Variants in FER observed in about 807,000 individuals in gnomAD.
FER encodes the protein FER tyrosine kinase.
A neutral mutation model predicts 111.0 loss-of-function variants in FER; 63 were observed. That is an observed-to-expected ratio of 0.57 (90% CI 0.46 to 0.70). The LOEUF (loss-of-function observed/expected upper bound fraction) is 0.70. Among genes scored for constraint, FER ranks in the 30% least tolerant of loss-of-function variants. FER has a pLI of 0.00. For missense variants in FER, 914 were observed against 954.0 expected (o/e 0.96, Z 0.55); for synonymous variants, 327 against 313.9 (o/e 1.04, Z -0.44).
At chr5:108,796,452 T>C (rs1756028172) in intron 2 of FER, among the ~76,000 whole-genome samples, 1 of 152,170 alleles carries the variant, frequency 6.6e-6, no homozygotes, top group African/African-American at 2.4e-5. Flanking sequence ...TTGTGTCCTT[T>C]CCTCAAGGGT....
intron 16 of FER, among the ~76,000 whole-genome samples, chr5:109,073,079 T>A (rs558575772): frequency 6.6e-6 from 1 of 152,148 alleles, no homozygotes; most frequent in East Asian, 1.9e-4. Flanking sequence ...AGTAATTACA[T>A]CTGCAGAAAT....
intron 2 of FER, among the ~76,000 whole-genome samples, chr5:108,772,364 G>A (rs988947293): frequency 1.0e-5 from 1 of 96,830 alleles, no homozygotes; most frequent in Non-Finnish European, 2.3e-5. Context: ...TGTTGTTGTT[G>A]TTATAGGATT....
At chr5:108,764,537 A>G (rs1752101892) in intron 1 of FER, among the ~76,000 whole-genome samples, 1 of 152,054 alleles carries the variant, frequency 6.6e-6, no homozygotes, top group African/African-American at 2.4e-5. Context: ...AGCTGGGATT[A>G]CAGGCATGCG....
intron 3 of FER, among the ~76,000 whole-genome samples, chr5:108,806,126 C>G (rs1414107889): frequency 6.6e-6 from 1 of 152,148 alleles, no homozygotes; most frequent in Non-Finnish European, 1.5e-5. Context: ...CCGCTCCAGC[C>G]GTGACTAAAA....
chr5:108,864,433 C>T (rs958861704), intron 5 of FER, among the ~76,000 whole-genome samples: 1 of 152,142 alleles, frequency 6.6e-6, no homozygotes, highest in Non-Finnish European at 1.5e-5. Context: ...CACCTTTTCT[C>T]TGCTCTTTGC....
In FER at chr5:109,177,126, G is replaced by A. The variant is rs115731701; in HGVS notation, c.2049-3621G>A. 3.2e-3 allele frequency among the ~76,000 whole-genome samples: 483 copies of A among 152,242 alleles called. 1 individual carries two copies. Among genetic ancestry groups the A allele is most frequent in the Non-Finnish European group, 4.6e-3 (314 of 68,008 alleles). On this transcript the variant is annotated intron_variant, in intron 17 of 19. Coordinates refer to ENST00000281092, the MANE Select transcript of FER (RefSeq NM_005246.4). ...GATATAAAAATTATTAGAAAATAAC[G>A]TAATTCATGTATTTTTAAAAGTTGG...
In FER at chr5:109,193,756, T is replaced by C. The variant is rs891509415; in HGVS notation, c.*6181T>C. On this transcript the variant is annotated 3_prime_UTR_variant, in exon 20 of 20. Coordinates refer to ENST00000281092, the MANE Select transcript of FER (RefSeq NM_005246.4). ...TTTGCTTTACCAAAATAGTAAAGCCTTTATCATCAGCTTATATTGAATAAT... is the reference window on the plus strand; with the variant it reads ...TTTGCTTTACCAAAATAGTAAAGCCCTTATCATCAGCTTATATTGAATAAT... The C allele has an allele frequency of 3.3e-5, 5 of 152,198 alleles. No homozygotes were observed. Among genetic ancestry groups the C allele is most frequent in the Non-Finnish European group, 7.3e-5 (5 of 68,030 alleles). The allele number at this position is 152,198 out of a possible 1,614,324, so 9.4% of individuals were successfully genotyped here.
intron 16 of FER, among the ~76,000 whole-genome samples, chr5:109,097,268 A>C (rs1747654745): frequency 6.6e-6 from 1 of 151,892 alleles, no homozygotes; most frequent in Non-Finnish European, 1.5e-5. Context: ...CTGACTATTA[A>C]GAACATTGTA....
At chr5:108,778,620 G>T (rs7714960) in intron 2 of FER, among the ~76,000 whole-genome samples, 2,475 of 152,160 alleles carry the variant, frequency 0.016, 70 homozygotes, top group African/African-American at 0.057. Context: ...TTTTCTGTCC[G>T]TGTATATTAT....
chr5:108,797,890 G>A (rs1361282359), intron 2 of FER, among the ~76,000 whole-genome samples: 1 of 152,102 alleles, frequency 6.6e-6, no homozygotes, highest in Non-Finnish European at 1.5e-5. Flanking sequence ...CTTCCTTTCC[G>A]ATCTGAATGC....
intron 17 of FER, among the ~76,000 whole-genome samples, chr5:109,110,398 T>C (rs1749464131): frequency 1.3e-5 from 2 of 152,052 alleles, no homozygotes; most frequent in East Asian, 3.9e-4. Context: ...TGAATATCAG[T>C]GAGAAGAGCC....
chr5:108,907,485 G>T (rs1445089843), intron 10 of FER, among the ~76,000 whole-genome samples: 2 of 151,802 alleles, frequency 1.3e-5, no homozygotes, highest in Non-Finnish European at 2.9e-5. Context: ...GATAGAGACG[G>T]GGTTTTATCA....
intron 10 of FER, among the ~76,000 whole-genome samples, chr5:108,916,508 G>C (rs77065824): frequency 3.9e-5 from 6 of 152,100 alleles, no homozygotes; most frequent in Non-Finnish European, 7.4e-5. Context: ...ATCGGGAGGG[G>C]CCTGGATGAG....
intron 16 of FER, among the ~76,000 whole-genome samples, chr5:109,080,316 T>G (rs1458275106): frequency 6.6e-6 from 1 of 152,118 alleles, no homozygotes; most frequent in Non-Finnish European, 1.5e-5. Flanking sequence ...GGCTTACTAG[T>G]CTGTGCTTTC....
chr5:109,052,647 C>T (rs972440142), intron 16 of FER, among the ~76,000 whole-genome samples: 6 of 152,194 alleles, frequency 3.9e-5, no homozygotes, highest in African/African-American at 7.2e-5. Flanking sequence ...GCTGATACCT[C>T]GTAAAAGCTG....
intron 17 of FER, among the ~76,000 whole-genome samples, chr5:109,125,213 C>T (rs1298258290): frequency 1.3e-5 from 2 of 151,914 alleles, no homozygotes; most frequent in East Asian, 3.9e-4. Flanking sequence ...CTTTTATATA[C>T]ATACATTAGA....
intron 17 of FER, among the ~76,000 whole-genome samples, chr5:109,168,213 G>A (rs1468244683): frequency 3.3e-5 from 5 of 152,160 alleles, no homozygotes; most frequent in Admixed American, 1.3e-4. Context: ...AACAGATCCC[G>A]TTAGAAGACT....
intron 11 of FER, among the ~76,000 whole-genome samples, chr5:108,948,635 A>G (rs1280768237): frequency 6.6e-6 from 1 of 152,096 alleles, no homozygotes; most frequent in Non-Finnish European, 1.5e-5. Context: ...ATGAGGGTCC[A>G]TTCCAATTGA....
At chr5:109,184,481 A>G (rs552715897) in intron 18 of FER, among the ~76,000 whole-genome samples, 1 of 152,232 alleles carries the variant, frequency 6.6e-6, no homozygotes, top group East Asian at 1.9e-4. Flanking sequence ...TTTCAGAGCT[A>G]GGTTATAAGC....
Sources: allele counts gnomAD v4.1 joint callset (sites outside exome capture counted in the v4.1 genomes callset), GRCh38; gene constraint gnomAD v4.1.1; transcripts MANE v1.5; gene names NCBI Gene and HGNC (gene_info 2026-07-23, HGNC 2026-07-21).